EFL1: variants seen among roughly 807,000 people sequenced by gnomAD.
EFL1 encodes elongation factor-like GTPase 1.
Under a neutral mutation model 126.7 loss-of-function variants are expected in EFL1, and 76 were observed. The ratio of observed to expected loss-of-function variants is 0.60; its 90% CI spans 0.50 to 0.73. The LOEUF (loss-of-function observed/expected upper bound fraction) is 0.73, where lower values mean the gene tolerates loss of function less well. Ranked by LOEUF, EFL1 falls within the 30% of genes least tolerant of loss-of-function variation. The pLI is 0.00. For synonymous variants in EFL1, 410 were observed against 448.4 expected (o/e 0.91, Z 1.08); for missense variants, 1,128 against 1,343.2 (o/e 0.84, Z 2.50).
chr15:82,255,424 T>C, intron 3 of EFL1, among the ~76,000 whole-genome samples: 1 of 152,202 alleles, frequency 6.6e-6, no homozygotes, highest in African/African-American at 2.4e-5. Flanking sequence ...CAATTATATG[T>C]GTGTTATTAA....
intron 15 of EFL1, among the ~76,000 whole-genome samples, chr15:82,175,803 A>G (rs767074851): frequency 3.9e-5 from 6 of 152,198 alleles, no homozygotes; most frequent in Non-Finnish European, 8.8e-5. Context: ...TGGGCAACAG[A>G]GCAAGACTAC....
intron 15 of EFL1, among the ~76,000 whole-genome samples, chr15:82,168,748 A>C (rs547457618): frequency 6.6e-6 from 1 of 152,184 alleles, no homozygotes; most frequent in Non-Finnish European, 1.5e-5. Context: ...TCCTGACTTC[A>C]AGTGATCCGC....
intron 17 of EFL1, among the ~76,000 whole-genome samples, chr15:82,154,344 G>A (rs767905271): frequency 1.3e-5 from 2 of 152,146 alleles, no homozygotes; most frequent in Non-Finnish European, 2.9e-5. Flanking sequence ...CTCTGGCCTG[G>A]AGACAATATA....
intron 15 of EFL1, among the ~76,000 whole-genome samples, chr15:82,193,943 G>A (rs186235970): frequency 7.7e-4 from 118 of 152,288 alleles, no homozygotes; most frequent in Admixed American, 1.9e-3. Flanking sequence ...TCGCTAACAC[G>A]GTGAGCAGCC....
chr15:82,228,453 T>C, intron 9 of EFL1, 126 bp from the exon 10 acceptor site: 1 of 1,236,668 alleles, frequency 8.1e-7, no homozygotes, highest in South Asian at 1.7e-5. Flanking sequence ...CTAAAAATGA[T>C]TGAAGGGAAT....
At chr15:82,201,557 A>G (rs1252630040) in intron 15 of EFL1, among the ~76,000 whole-genome samples, 2 of 152,218 alleles carry the variant, frequency 1.3e-5, no homozygotes, top group African/African-American at 4.8e-5. Context: ...CGATATCTTA[A>G]AAGAATAAAT....
rs1184300617 is a variant in EFL1 at position 82,174,548 on chromosome 15, T to C, written c.1751-10564A>G. Reference sequence around the variant, plus strand: ...CATTTGCATTAATCAATTTAGACCCTAGAAACTGAAACTGTGGTCTCACCT... The same window carrying C: ...CATTTGCATTAATCAATTTAGACCCCAGAAACTGAAACTGTGGTCTCACCT... On this transcript the variant is annotated intron_variant, in intron 15 of 19. Transcript: ENST00000268206. Among the ~76,000 whole-genome samples the C allele has an allele frequency of 2.6e-5, 4 of 152,192 alleles. No homozygotes were observed. In the East Asian group the frequency reaches 7.7e-4, roughly 29 times the overall value.
At chr15:82,234,226 T>C (rs113839391) in intron 7 of EFL1, among the ~76,000 whole-genome samples, 1,929 of 152,304 alleles carry the variant, frequency 0.013, 37 homozygotes, top group African/African-American at 0.045. Flanking sequence ...TCCCATCTTG[T>C]GGCTTATTAG....
intron 18 of EFL1, among the ~76,000 whole-genome samples, chr15:82,147,482 CA>C (rs76335360): frequency 4.1e-5 from 6 of 147,954 alleles, no homozygotes; most frequent in Admixed American, 1.4e-4. Flanking sequence ...ATAACAACAA[CA>C]AAAAAAAAAT....
At chr15:82,237,731 T>C (rs2074888264) in intron 7 of EFL1, among the ~76,000 whole-genome samples, 1 of 137,770 alleles carries the variant, frequency 7.3e-6, no homozygotes, top group Non-Finnish European at 1.6e-5. Flanking sequence ...GCTTTACTCA[T>C]AATGGCCCAA....
chr15:82,232,476 C>T (rs2074832412), intron 7 of EFL1, among the ~76,000 whole-genome samples: 1 of 152,132 alleles, frequency 6.6e-6, no homozygotes, highest in African/African-American at 2.4e-5. Context: ...CTGTGAAAAT[C>T]GCCCCCAAAC....
intron 10 of EFL1, among the ~76,000 whole-genome samples, 186 bp from the exon 11 acceptor site, chr15:82,227,758 C>T (rs1363720795): frequency 6.6e-6 from 1 of 152,220 alleles, no homozygotes; most frequent in East Asian, 1.9e-4. Flanking sequence ...AGTTCACAAA[C>T]TCCTTAAAGC....
At chr15:82,251,888 A>G (rs1281161282) in intron 4 of EFL1, among the ~76,000 whole-genome samples, 1 of 152,260 alleles carries the variant, frequency 6.6e-6, no homozygotes, top group Non-Finnish European at 1.5e-5. Context: ...ACAAAAATAA[A>G]TATTTTGAAA....
chr15:82,164,106 A>G (rs537839570), intron 15 of EFL1, 122 bp from the exon 16 acceptor site: 30 of 1,270,318 alleles, frequency 2.4e-5, no homozygotes, highest in Middle Eastern at 2.3e-4. Context: ...AAATGTTGCA[A>G]GAAATGAGGC....
At chr15:82,203,476 A>G (rs932801267) in intron 15 of EFL1, among the ~76,000 whole-genome samples, 1 of 152,100 alleles carries the variant, frequency 6.6e-6, no homozygotes, top group Non-Finnish European at 1.5e-5. Flanking sequence ...TCCGGGTTCA[A>G]GCAATTCTCT....
intron 16 of EFL1, among the ~76,000 whole-genome samples, chr15:82,162,403 C>T (rs907017425): frequency 3.3e-5 from 5 of 152,190 alleles, no homozygotes; most frequent in East Asian, 1.9e-4. Flanking sequence ...GAAACATCTA[C>T]GAATAAGCTA....
chr15:82,241,821 C>A (rs966265950), intron 4 of EFL1, among the ~76,000 whole-genome samples: 1 of 152,178 alleles, frequency 6.6e-6, no homozygotes, highest in African/African-American at 2.4e-5. Context: ...AAAGGGCCAA[C>A]AAAGCAGTTG....
At chr15:82,205,865 GAACTTATATAGT>G (rs2141286622) in intron 15 of EFL1, among the ~76,000 whole-genome samples, 1 of 152,322 alleles carries the variant, frequency 6.6e-6, no homozygotes, top group South Asian at 2.1e-4. Context: ...GTGTTCAAAA[GAACTTATATAGT>G]CATTGCCAGT....
chr15:82,172,197 C>T (rs2074143807), intron 15 of EFL1, among the ~76,000 whole-genome samples: 1 of 152,048 alleles, frequency 6.6e-6, no homozygotes, highest in South Asian at 2.1e-4. Flanking sequence ...CAGTTATGTG[C>T]AGAAAAAGTA....
Sources: gnomAD v4.1 joint callset for allele counts (sites outside exome capture counted in the v4.1 genomes callset) on GRCh38, gnomAD v4.1.1 for gene constraint, MANE v1.5 for transcripts, NCBI Gene and HGNC (gene_info 2026-07-23, HGNC 2026-07-21) for gene names.